Variants in VPS13D observed in about 807,000 individuals in gnomAD.
VPS13D encodes intermembrane lipid transfer protein VPS13D.
VPS13D carries 187 observed loss-of-function variants against 461.9 expected under a neutral mutation model. The ratio of observed to expected loss-of-function variants is 0.40; its 90% confidence interval spans 0.36 to 0.46. The LOEUF is 0.46. VPS13D is among the 20% of genes least tolerant of loss of function. The pLI, the probability that VPS13D is intolerant of heterozygous loss-of-function variation, is 0.60. For synonymous variants in VPS13D, 1,951 were observed against 1,986.3 expected, an observed-to-expected ratio of 0.98 and a Z score of 0.47; for missense variants, 4,711 against 5,364.9, an observed-to-expected ratio of 0.88 and a Z score of 3.81.
chr1:12,440,451 G>C (rs1362181398), intron 65 of VPS13D, among the ~76,000 whole-genome samples: 4 of 152,126 alleles, frequency 2.6e-5, no homozygotes, highest in Non-Finnish European at 5.9e-5. Context: ...AGAGGAAGAG[G>C]CTGCAAAGAT....
In VPS13D at chr1:12,440,925, G is replaced by T. The variant is rs187673352; in HGVS notation, c.12334-15073G>T. Among the ~76,000 whole-genome samples, 248 of 151,052 alleles carry T rather than the reference G, an allele frequency of 1.6e-3. 4 individuals are homozygous for T. The highest frequency in any genetic ancestry group is 5.8e-3 in the African/African-American group (240 of 41,252). The stretch of plus-strand genomic sequence containing the variant: ...AAAAAATAAAATGAAGGGAGGAAAA[G>T]ATTTTTTTTTTTCTTTCGAGATGGA... On this transcript the variant is annotated intron_variant, in intron 65 of 69. Coordinates refer to ENST00000620676, the MANE Select transcript of VPS13D (RefSeq NM_015378.4).
At position 12,325,153 on chromosome 1, in the gene VPS13D, C is replaced by T. The variant is rs145998619; in HGVS notation, c.7990+1373C>T. On this transcript the variant is annotated intron_variant, in intron 35 of 69. Coordinates refer to ENST00000620676, the MANE Select transcript of VPS13D (RefSeq NM_015378.4). Reference sequence around the variant, plus strand: ...GGCTGGAATGCAATCATAGCTGTGGCGCAATCATAGCTCACTGCAGCCTCC... The same window carrying T: ...GGCTGGAATGCAATCATAGCTGTGGTGCAATCATAGCTCACTGCAGCCTCC... Among the ~76,000 whole-genome samples the T allele has an allele frequency of 5.2e-3, 795 of 152,136 alleles. 2 individuals are homozygous for T. Among genetic ancestry groups the T allele is most frequent in the African/African-American group, 0.018 (759 of 41,506 alleles).
chr1:12,415,740 G>A (rs1557426698), intron 64 of VPS13D, among the ~76,000 whole-genome samples: 1 of 152,204 alleles, frequency 6.6e-6, no homozygotes, highest in Non-Finnish European at 1.5e-5. Context: ...AGCTTTCAAA[G>A]TTAAAATATA....
chr1:12,380,499 ACT>A (rs1644258968), intron 57 of VPS13D, among the ~76,000 whole-genome samples: 1 of 151,784 alleles, frequency 6.6e-6, no homozygotes, highest in Non-Finnish European at 1.5e-5. Flanking sequence ...CTCATGATAA[ACT>A]CCCAGCTACT....
intron 68 of VPS13D, among the ~76,000 whole-genome samples, chr1:12,504,753 G>A (rs967992957): frequency 6.6e-6 from 1 of 152,200 alleles, no homozygotes; most frequent in Non-Finnish European, 1.5e-5. Context: ...GCCTGATGGA[G>A]GACTTGAACC....
chr1:12,312,045 G>C, intron 29 of VPS13D, 120 bp downstream of exon 29: 1 of 709,142 alleles, frequency 1.4e-6, no homozygotes, highest in Non-Finnish European at 2.2e-6. Flanking sequence ...GTTGTCTGCA[G>C]AGTGTCTTTT....
chr1:12,438,498 GAC>G (rs1401013348), intron 65 of VPS13D, among the ~76,000 whole-genome samples: 1 of 152,190 alleles, frequency 6.6e-6, no homozygotes, highest in Non-Finnish European at 1.5e-5. Flanking sequence ...AACACACTGA[GAC>G]AGCACATAAC....
chr1:12,267,085 C>T, intron 14 of VPS13D, 74 bp downstream of exon 14: 1 of 1,377,850 alleles, frequency 7.3e-7, no homozygotes, highest in Non-Finnish European at 9.6e-7. Context: ...CAAATGATAA[C>T]TGATTCATTC....
chr1:12,484,906 A>G (rs1250304332), intron 67 of VPS13D, among the ~76,000 whole-genome samples: 2 of 151,984 alleles, frequency 1.3e-5, no homozygotes, highest in African/African-American at 4.8e-5. Flanking sequence ...CAAACTTGCC[A>G]GTTCGTCTCT....
chr1:12,332,936 C>T (rs951255405), intron 37 of VPS13D, among the ~76,000 whole-genome samples: 3 of 152,174 alleles, frequency 2.0e-5, no homozygotes, highest in Admixed American at 2.0e-4. Context: ...ACACATCCCA[C>T]CTGTTCTTTA....
chr1:12,463,586 CA>C (rs929027505), intron 67 of VPS13D, among the ~76,000 whole-genome samples: 75 of 141,330 alleles, frequency 5.3e-4, no homozygotes, highest in Non-Finnish European at 8.4e-4. Flanking sequence ...CCATCTCTTA[CA>C]AAAAAAAAAA....
chr1:12,291,755 T>A (rs1642138567), intron 23 of VPS13D, among the ~76,000 whole-genome samples: 1 of 152,246 alleles, frequency 6.6e-6, no homozygotes, highest in Admixed American at 6.5e-5. Context: ...TCTTCGTGCA[T>A]CAGTTTTTCT....
intron 24 of VPS13D, among the ~76,000 whole-genome samples, chr1:12,294,014 A>G (rs1009238958): frequency 6.6e-6 from 1 of 152,210 alleles, no homozygotes; most frequent in Non-Finnish European, 1.5e-5. Flanking sequence ...GGAAAGTGGT[A>G]GGTTTTTTCT....
At chr1:12,491,645 ACT>A (rs1434726295) in intron 67 of VPS13D, among the ~76,000 whole-genome samples, 1 of 152,068 alleles carries the variant, frequency 6.6e-6, no homozygotes, top group African/African-American at 2.4e-5. Flanking sequence ...ATGCAGGCAC[ACT>A]CTGTATTGAT....
intron 67 of VPS13D, among the ~76,000 whole-genome samples, chr1:12,483,359 G>A (rs1232965242): frequency 2.6e-5 from 4 of 152,198 alleles, no homozygotes; most frequent in African/African-American, 4.8e-5. Flanking sequence ...AGAATTAGAA[G>A]CGTTGAAACA....
In VPS13D at chr1:12,341,169, C is replaced by G. The variant is rs72866692; in HGVS notation, c.8627-611C>G. On this transcript the variant is annotated intron_variant, in intron 40 of 69. Coordinates refer to ENST00000620676, the MANE Select transcript of VPS13D (RefSeq NM_015378.4). ...GTTCCTTTTATGGCTTCCATGGTAC[C>G]CACCTTATAATAGATGGTGGTGGTA... is the stretch of plus-strand genomic sequence containing the variant. 8.7e-3 allele frequency among the ~76,000 whole-genome samples: 1,318 copies of G among 152,098 alleles called. 16 individuals are homozygous for G. Among genetic ancestry groups the G allele is most frequent in the African/African-American group, 0.03 (1,256 of 41,456 alleles).
intron 61 of VPS13D, among the ~76,000 whole-genome samples, chr1:12,401,375 C>T (rs2101683412): frequency 6.6e-6 from 1 of 152,224 alleles, no homozygotes; most frequent in East Asian, 1.9e-4. Flanking sequence ...CTAATGAGGC[C>T]CAGATTGCCT....
intron 18 of VPS13D, among the ~76,000 whole-genome samples, chr1:12,273,908 A>T (rs1410556186): frequency 2.6e-5 from 4 of 151,314 alleles, no homozygotes; most frequent in South Asian, 2.1e-4. Flanking sequence ...TTTCTTTTAA[A>T]TTTTTTTTCT....
chr1:12,357,376 T>C (rs1643894962), intron 49 of VPS13D, among the ~76,000 whole-genome samples: 1 of 152,204 alleles, frequency 6.6e-6, no homozygotes, highest in African/African-American at 2.4e-5. Context: ...CCTCTTGGCA[T>C]GTGCAGCCAG....
Sources: allele counts gnomAD v4.1 joint callset (sites outside exome capture counted in the v4.1 genomes callset), GRCh38; gene constraint gnomAD v4.1.1; transcripts MANE v1.5; gene names NCBI Gene and HGNC (gene_info 2026-07-23, HGNC 2026-07-21).